The following PTPRD variants were observed in gnomAD, a reference collection of about 807,000 sequenced individuals.
PTPRD encodes the protein protein tyrosine phosphatase receptor type D, also known as receptor-type tyrosine-protein phosphatase delta.
Under a neutral mutation model 214.5 loss-of-function variants are expected in PTPRD, and 34 were observed. That is an observed-to-expected ratio of 0.16 (90% CI 0.12 to 0.21). The LOEUF is 0.21. Among genes scored for constraint, PTPRD ranks in the 10% least tolerant of loss-of-function variants. The pLI, the probability that PTPRD is intolerant of heterozygous loss-of-function variation, is 1.00. For synonymous variants in PTPRD, 1,128 were observed against 845.7 expected, an observed-to-expected ratio of 1.33 and a Z score of -5.79; for missense variants, 2,545 against 2,398.7, an observed-to-expected ratio of 1.06 and a Z score of -1.27.
chr9:10,285,302 C>T (rs931452552), intron 3 of PTPRD, among the ~76,000 whole-genome samples: 1 of 152,066 alleles, frequency 6.6e-6, no homozygotes, highest in African/African-American at 2.4e-5. Context: ...GAAAGAATAT[C>T]TACAAAACGA....
chr9:10,517,426 A>T (rs1388188445), intron 2 of PTPRD, among the ~76,000 whole-genome samples: 1 of 151,970 alleles, frequency 6.6e-6, no homozygotes, highest in Non-Finnish European at 1.5e-5. Context: ...TATTTACTAA[A>T]ATTTTACTCA....
chr9:10,323,280 C>T (rs1446162234), intron 3 of PTPRD, among the ~76,000 whole-genome samples: 1 of 67,518 alleles, frequency 1.5e-5, no homozygotes, highest in South Asian at 9.6e-4. Flanking sequence ...CTCCCCTCCC[C>T]TCTCCTCCCC....
At chr9:10,081,512 T>C (rs2098237236) in intron 3 of PTPRD, among the ~76,000 whole-genome samples, 1 of 152,052 alleles carries the variant, frequency 6.6e-6, no homozygotes, top group Non-Finnish European at 1.5e-5. Flanking sequence ...ACCTTCACAG[T>C]TCTCTTGCTG....
intron 11 of PTPRD, among the ~76,000 whole-genome samples, chr9:8,902,797 T>G (rs2098680699): frequency 6.6e-6 from 1 of 152,222 alleles, no homozygotes; most frequent in African/African-American, 2.4e-5. Context: ...AAAAATCTAT[T>G]TGAATTTTCA....
chr9:9,263,950 A>C (rs932853785), intron 9 of PTPRD, among the ~76,000 whole-genome samples: 1 of 151,638 alleles, frequency 6.6e-6, no homozygotes, highest in African/African-American at 2.4e-5. Context: ...TTTCCCAAGA[A>C]GAGCAAGAGA....
At chr9:9,053,831 T>C (rs995465634) in intron 10 of PTPRD, among the ~76,000 whole-genome samples, 3 of 152,154 alleles carry the variant, frequency 2.0e-5, no homozygotes, top group African/African-American at 7.2e-5. Context: ...AGAAAGTAAT[T>C]CTAATGCACT....
At position 9,861,589 on chromosome 9, in the gene PTPRD, G is replaced by A. The variant is rs192349335; in HGVS notation, c.-368+76918C>T. 5.9e-4 allele frequency among the ~76,000 whole-genome samples: 90 copies of A among 152,142 alleles called. 1 individual carries two copies. Among genetic ancestry groups the A allele is most frequent in the African/African-American group, 1.8e-3 (73 of 41,534 alleles). On this transcript the variant is annotated intron_variant, in intron 5 of 45. Transcript: ENST00000381196. ...CTGGCGTGAGCCACCGCACATGGCC[G>A]AAATAGTTATTTTTTATCAAAACTC...
chr9:8,505,014 T>C (rs2097511422), intron 22 of PTPRD, among the ~76,000 whole-genome samples: 1 of 152,226 alleles, frequency 6.6e-6, no homozygotes, highest in Non-Finnish European at 1.5e-5. Context: ...ACCACATTAC[T>C]ACCCTAGGTT....
chr9:8,783,500 A>C (rs1401238295), intron 11 of PTPRD, among the ~76,000 whole-genome samples: 2 of 152,230 alleles, frequency 1.3e-5, no homozygotes, highest in Non-Finnish European at 1.5e-5. Context: ...AATAAATACT[A>C]TTACTTGACA....
At chr9:9,037,898 G>A (rs1221611671) in intron 10 of PTPRD, among the ~76,000 whole-genome samples, 3 of 152,170 alleles carry the variant, frequency 2.0e-5, no homozygotes, top group Non-Finnish European at 4.4e-5. Flanking sequence ...TTGGGAAGCA[G>A]GAATGTGTGG....
At chr9:10,215,246 A>G (rs1342518702) in intron 3 of PTPRD, among the ~76,000 whole-genome samples, 1 of 152,052 alleles carries the variant, frequency 6.6e-6, no homozygotes, top group Non-Finnish European at 1.5e-5. Context: ...CAATGAAACA[A>G]GAGGCTCTAA....
chr9:10,086,287 A>G (rs1286060920), intron 3 of PTPRD, among the ~76,000 whole-genome samples: 1 of 151,734 alleles, frequency 6.6e-6, no homozygotes, highest in Non-Finnish European at 1.5e-5. Flanking sequence ...CTGATCCCCC[A>G]TCAGTACTAT....
chr9:9,748,831 G>C (rs1363366952), intron 6 of PTPRD, among the ~76,000 whole-genome samples: 2 of 152,132 alleles, frequency 1.3e-5, no homozygotes, highest in Non-Finnish European at 2.9e-5. Flanking sequence ...TAATGGAAGA[G>C]TTATAGTGTC....
intron 14 of PTPRD, among the ~76,000 whole-genome samples, chr9:8,596,733 T>C (rs1039078883): frequency 1.3e-5 from 2 of 152,044 alleles, no homozygotes; most frequent in African/African-American, 4.8e-5. Flanking sequence ...GTGTTAAGAG[T>C]CCTAAACAAT....
chr9:10,155,249 A>T (rs1479040036), intron 3 of PTPRD, among the ~76,000 whole-genome samples: 1 of 151,552 alleles, frequency 6.6e-6, no homozygotes, highest in African/African-American at 2.4e-5. Flanking sequence ...TCTCAGTTTG[A>T]CGGTTATTGG....
intron 5 of PTPRD, among the ~76,000 whole-genome samples, chr9:9,782,014 G>A (rs1045916959): frequency 6.6e-6 from 1 of 152,012 alleles, no homozygotes; most frequent in African/African-American, 2.4e-5. Context: ...GGATGGTCTC[G>A]ATCTCCTGAC....
chr9:8,485,595 G>T (rs1591717981), intron 28 of PTPRD, 167 bp downstream of exon 28: 1 of 691,138 alleles, frequency 1.4e-6, no homozygotes, highest in East Asian at 2.7e-5. Flanking sequence ...TTCTATAACT[G>T]AAATCTAAGG....
At chr9:9,744,542 T>C (rs1482302104) in intron 6 of PTPRD, among the ~76,000 whole-genome samples, 5 of 152,080 alleles carry the variant, frequency 3.3e-5, no homozygotes, top group Admixed American at 1.3e-4. Context: ...TCAATACCCA[T>C]AACCTTTGCT....
chr9:9,905,849 C>T (rs1016939177), intron 5 of PTPRD, among the ~76,000 whole-genome samples: 3 of 151,832 alleles, frequency 2.0e-5, no homozygotes, highest in Admixed American at 2.0e-4. Context: ...AACATAGGGG[C>T]CTAAGGTATA....
Sources: allele counts gnomAD v4.1 joint callset (sites outside exome capture counted in the v4.1 genomes callset), GRCh38; gene constraint gnomAD v4.1.1; transcripts MANE v1.5; gene names NCBI Gene and HGNC (gene_info 2026-07-23, HGNC 2026-07-21).